Variants in ENTREP2 observed in about 807,000 individuals in gnomAD.
ENTREP2 encodes protein ENTREP2.
At chr15:29,570,160 G>C in the ENTREP2 span, among the ~76,000 whole-genome samples, 17 of 151,518 alleles carry the variant, frequency 1.1e-4, no homozygotes, top group Non-Finnish European at 4.4e-5. Context: ...GGCCGCGGCC[G>C]CTCGGATGGC....
the ENTREP2 span, among the ~76,000 whole-genome samples, chr15:29,526,248 G>GA: frequency 6.6e-6 from 1 of 152,062 alleles, no homozygotes; most frequent in Non-Finnish European, 1.5e-5. Flanking sequence ...AAAAAGAAAA[G>GA]AAAAAATAGG....
the ENTREP2 span, chr15:29,269,295 G>A: frequency 6.2e-7 from 1 of 1,614,234 alleles, no homozygotes; most frequent in Non-Finnish European, 8.5e-7. Flanking sequence ...TATACCCGAA[G>A]ACGTACTGGA....
the ENTREP2 span, among the ~76,000 whole-genome samples, chr15:29,327,207 T>C: frequency 1.3e-5 from 2 of 152,144 alleles, no homozygotes; most frequent in Non-Finnish European, 2.9e-5. Flanking sequence ...AAAGAAAATA[T>C]TTGTAAAACA....
chr15:29,561,644 C>G, the ENTREP2 span, among the ~76,000 whole-genome samples: 3 of 151,996 alleles, frequency 2.0e-5, no homozygotes, highest in South Asian at 6.2e-4. Flanking sequence ...GCCGAGACTA[C>G]GCCACTGCGC....
chr15:29,543,714 G>A, the ENTREP2 span, among the ~76,000 whole-genome samples: 1 of 151,998 alleles, frequency 6.6e-6, no homozygotes, highest in East Asian at 1.9e-4. Context: ...GGGAGGCAGA[G>A]GTTGCAGTGA....
chr15:29,464,802 C>T, the ENTREP2 span, among the ~76,000 whole-genome samples: 10 of 152,202 alleles, frequency 6.6e-5, no homozygotes, highest in Middle Eastern at 3.4e-3. Flanking sequence ...CACAGAGCTC[C>T]GGCCCAGCCT....
chr15:29,322,455 T>A, the ENTREP2 span, among the ~76,000 whole-genome samples: 1 of 152,192 alleles, frequency 6.6e-6, no homozygotes, highest in African/African-American at 2.4e-5. Context: ...TCTTAATTGA[T>A]CTAAAAGATA....
the ENTREP2 span, among the ~76,000 whole-genome samples, chr15:29,382,243 C>T: frequency 1.4e-5 from 2 of 143,986 alleles, no homozygotes; most frequent in African/African-American, 5.4e-5. Flanking sequence ...GCCTGGGAGG[C>T]AGAGCGAGAC....
chr15:29,619,683 G>C, the ENTREP2 span, among the ~76,000 whole-genome samples: 1 of 152,088 alleles, frequency 6.6e-6, no homozygotes, highest in Non-Finnish European at 1.5e-5. Flanking sequence ...GGAAAGAAGA[G>C]GTCGGTGCTC....
the ENTREP2 span, among the ~76,000 whole-genome samples, chr15:29,649,909 G>A: frequency 1.3e-5 from 2 of 152,014 alleles, no homozygotes; most frequent in Non-Finnish European, 2.9e-5. Flanking sequence ...CTTCTACCAC[G>A]GATAAGAGTT....
the ENTREP2 span, among the ~76,000 whole-genome samples, chr15:29,657,483 C>CGGGGGGGGGGGGGGGGGGGGGGGGGG: frequency 1.4e-5 from 1 of 69,382 alleles, no homozygotes; most frequent in Non-Finnish European, 2.8e-5. Flanking sequence ...GCTGGGGGGG[C>CGGGGGGGGGGGGGGGGGGGGGGGGGG]GGGGGGGGGG....
chr15:29,183,487 G>A, the ENTREP2 span, among the ~76,000 whole-genome samples: 2 of 152,146 alleles, frequency 1.3e-5, no homozygotes, highest in Admixed American at 6.5e-5. Flanking sequence ...ACATCACTCC[G>A]CATTCTAGCA....
chr15:29,498,061 G>T, the ENTREP2 span, among the ~76,000 whole-genome samples: 1 of 152,122 alleles, frequency 6.6e-6, no homozygotes, highest in Admixed American at 6.6e-5. Context: ...GAGGTGGTTT[G>T]CCCCATGCTT....
At chr15:29,325,937 T>G in the ENTREP2 span, among the ~76,000 whole-genome samples, 3 of 152,138 alleles carry the variant, frequency 2.0e-5, no homozygotes, top group Admixed American at 2.0e-4. Context: ...GTACAATATT[T>G]GAAAATCAGT....
the ENTREP2 span, among the ~76,000 whole-genome samples, chr15:29,138,619 A>G: frequency 1.4e-5 from 2 of 140,776 alleles, no homozygotes; most frequent in Non-Finnish European, 3.1e-5. Flanking sequence ...GTTTGTATGT[A>G]TGTGTATGTG....
the ENTREP2 span, among the ~76,000 whole-genome samples, chr15:29,577,011 G>T: frequency 3.6e-4 from 55 of 152,052 alleles, no homozygotes; most frequent in Non-Finnish European, 2.9e-5. Flanking sequence ...GTTTCACCGT[G>T]TTAGCCAGGA....
chr15:29,450,946 T>C, the ENTREP2 span, among the ~76,000 whole-genome samples: 2 of 151,692 alleles, frequency 1.3e-5, no homozygotes, highest in Non-Finnish European at 2.9e-5. Flanking sequence ...CTCTGGGGCC[T>C]ACTTGAGAGA....
At chr15:29,240,365 A>G in the ENTREP2 span, among the ~76,000 whole-genome samples, 6 of 141,584 alleles carry the variant, frequency 4.2e-5, no homozygotes, top group South Asian at 8.8e-4. Flanking sequence ...TCCGTCTCAG[A>G]AAAAAAAAAA....
chr15:29,489,485 A>C, the ENTREP2 span, among the ~76,000 whole-genome samples: 1 of 125,196 alleles, frequency 8.0e-6, no homozygotes, highest in African/African-American at 3.6e-5. Flanking sequence ...TGTAAAGGCC[A>C]CCTGAACTTT....
Sources: gnomAD v4.1 joint callset for allele counts (sites outside exome capture counted in the v4.1 genomes callset) on GRCh38, gnomAD v4.1.1 for gene constraint, MANE v1.5 for transcripts, NCBI Gene and HGNC (gene_info 2026-07-23, HGNC 2026-07-21) for gene names.